Variants in MACROD2 observed in about 807,000 individuals in gnomAD.
MACROD2 encodes ADP-ribose glycohydrolase MACROD2.
MACROD2 carries 36 observed loss-of-function variants against 70.4 expected under a neutral mutation model. The observed-to-expected ratio is 0.51, with a 90% CI of 0.39 to 0.68. The LOEUF (loss-of-function observed/expected upper bound fraction) is 0.68, where lower values mean the gene tolerates loss of function less well. Ranked by LOEUF, MACROD2 falls within the 30% of genes least tolerant of loss-of-function variation. The probability of loss-of-function intolerance (pLI) is 0.00; values close to 1 mark genes in which losing one functional copy is unlikely to be tolerated. For synonymous variants in MACROD2, 172 were observed against 178.8 expected (o/e 0.96, Z 0.30); for missense variants, 496 against 538.4 (o/e 0.92, Z 0.78).
At chr20:15,564,233 T>C (rs2048281965) in intron 8 of MACROD2, among the ~76,000 whole-genome samples, 1 of 152,182 alleles carries the variant, frequency 6.6e-6, no homozygotes, top group African/African-American at 2.4e-5. Flanking sequence ...TTTCAGACAG[T>C]GCATCTAGGA....
chr20:14,867,437 A>G (rs2073440015), intron 5 of MACROD2, among the ~76,000 whole-genome samples: 1 of 152,016 alleles, frequency 6.6e-6, no homozygotes, highest in Admixed American at 6.6e-5. Flanking sequence ...TTTCTAGTAC[A>G]CTTGGAAAGT....
At chr20:14,387,442 T>C (rs1303014610) in intron 3 of MACROD2, among the ~76,000 whole-genome samples, 1 of 152,238 alleles carries the variant, frequency 6.6e-6, no homozygotes, top group African/African-American at 2.4e-5. Context: ...AGTCAGCCAG[T>C]GATCCTACAG....
chr20:15,112,982 T>TGTGTGTGTGTG (rs1241048378), intron 5 of MACROD2, among the ~76,000 whole-genome samples: 3 of 95,978 alleles, frequency 3.1e-5, no homozygotes, highest in Non-Finnish European at 8.1e-5. Flanking sequence ...GTGTGTGTGT[T>TGTGTGTGTGTG]TGTGTGTGTA....
At chr20:14,042,547 A>G (rs1261195057) in intron 2 of MACROD2, among the ~76,000 whole-genome samples, 1 of 152,140 alleles carries the variant, frequency 6.6e-6, no homozygotes, top group Non-Finnish European at 1.5e-5. Context: ...CGCCCGGGCT[A>G]GAGTACAGTG....
At chr20:15,616,120 T>TG in intron 8 of MACROD2, among the ~76,000 whole-genome samples, 1 of 142,686 alleles carries the variant, frequency 7.0e-6, no homozygotes. Context: ...TTTTTTTTTT[T>TG]GAGACAGAGT....
At chr20:14,111,525 TAATC>T (rs1489821742) in intron 3 of MACROD2, among the ~76,000 whole-genome samples, 1 of 151,822 alleles carries the variant, frequency 6.6e-6, no homozygotes, top group Non-Finnish European at 1.5e-5. Flanking sequence ...AAAAATATAA[TAATC>T]CCATTAAAAA....
chr20:15,180,300 C>CT (rs1281605399), intron 5 of MACROD2, among the ~76,000 whole-genome samples: 6 of 152,066 alleles, frequency 3.9e-5, no homozygotes, highest in East Asian at 1.9e-4. Flanking sequence ...CCTGAAAATA[C>CT]TTTTTTTTAT....
chr20:15,754,090 G>A (rs1160603090), intron 8 of MACROD2, among the ~76,000 whole-genome samples: 1 of 152,160 alleles, frequency 6.6e-6, no homozygotes, highest in Non-Finnish European at 1.5e-5. Flanking sequence ...CATACATAAT[G>A]AATGGTATAA....
intron 4 of MACROD2, among the ~76,000 whole-genome samples, chr20:14,555,434 CA>C (rs1326573475): frequency 6.6e-6 from 1 of 151,940 alleles, no homozygotes; most frequent in Non-Finnish European, 1.5e-5. Context: ...CTCAGGGAGT[CA>C]AATATGTACT....
intron 5 of MACROD2, among the ~76,000 whole-genome samples, chr20:14,715,557 C>T (rs775836092): frequency 2.0e-5 from 3 of 152,162 alleles, no homozygotes; most frequent in African/African-American, 7.2e-5. Context: ...GTGCTTCCAA[C>T]CTAAATGCAG....
At chr20:14,484,791 ATACTACTCCAT>A (rs2084703347) in intron 3 of MACROD2, among the ~76,000 whole-genome samples, 1 of 152,220 alleles carries the variant, frequency 6.6e-6, no homozygotes. Flanking sequence ...TTCTGACGGA[ATACTACTCCAT>A]TGTGTAGCTG....
At chr20:15,188,252 C>T (rs549829047) in intron 5 of MACROD2, among the ~76,000 whole-genome samples, 1 of 152,280 alleles carries the variant, frequency 6.6e-6, no homozygotes, top group East Asian at 1.9e-4. Flanking sequence ...TTTCCTTCAC[C>T]TCCCTCTGCC....
chr20:14,012,520 A>G (rs958749339), intron 2 of MACROD2, among the ~76,000 whole-genome samples: 1 of 152,026 alleles, frequency 6.6e-6, no homozygotes, highest in African/African-American at 2.4e-5. Flanking sequence ...TTTAATAATG[A>G]CTCTTAGGCT....
rs542367949 is a variant in MACROD2, at chr20:14,653,216, A to ATT, written c.302-31608_302-31607dup. Reference sequence around the variant, plus strand: ...TAGGCATTCACCAACATGTACAGCAATTTTTTTTTTTTTTTTTTTTGAGAC... The same window carrying ATT: ...TAGGCATTCACCAACATGTACAGCAATTTTTTTTTTTTTTTTTTTTTTGAGAC... On this transcript the variant is annotated intron_variant, in intron 4 of 17. Transcript: ENST00000684519. 2.2e-3 allele frequency among the ~76,000 whole-genome samples: 271 copies of ATT among 121,764 alleles called. 3 individuals carry two copies. Among genetic ancestry groups the ATT allele is most frequent in the Middle Eastern group, 0.011 (2 of 190 alleles). 79.9% of individuals were successfully genotyped at this position (121,764 alleles called of 152,430 possible).
intron 5 of MACROD2, among the ~76,000 whole-genome samples, chr20:15,142,355 A>C (rs1290857191): frequency 2.0e-5 from 3 of 152,188 alleles, no homozygotes; most frequent in Non-Finnish European, 2.9e-5. Flanking sequence ...GTAAAGCCCC[A>C]AAATTACCAA....
At chr20:14,058,609 A>T (rs1387885856) in intron 2 of MACROD2, among the ~76,000 whole-genome samples, 2 of 143,170 alleles carry the variant, frequency 1.4e-5, no homozygotes, top group African/African-American at 5.1e-5. Context: ...GAGGAGTTCT[A>T]TTCATTTTTC....
intron 5 of MACROD2, among the ~76,000 whole-genome samples, chr20:14,963,901 G>C (rs1394775966): frequency 6.6e-6 from 1 of 152,164 alleles, no homozygotes; most frequent in Non-Finnish European, 1.5e-5. Flanking sequence ...CTAAAGTAGA[G>C]AGGGAAATGC....
At chr20:15,415,333 A>G (rs1338405789) in intron 6 of MACROD2, among the ~76,000 whole-genome samples, 1 of 152,208 alleles carries the variant, frequency 6.6e-6, no homozygotes, top group Non-Finnish European at 1.5e-5. Context: ...GTCTTGTCTA[A>G]TCATTGGCTT....
chr20:14,860,373 C>G (rs535387739), intron 5 of MACROD2, among the ~76,000 whole-genome samples: 1 of 151,614 alleles, frequency 6.6e-6, no homozygotes, highest in African/African-American at 2.4e-5. Context: ...GCAAAGCAAT[C>G]TGTGTGATAA....
Sources: allele counts gnomAD v4.1 joint callset (sites outside exome capture counted in the v4.1 genomes callset), GRCh38; gene constraint gnomAD v4.1.1; transcripts MANE v1.5; gene names NCBI Gene and HGNC (gene_info 2026-07-23, HGNC 2026-07-21).